The following DNAH11 variants were observed in gnomAD, a reference collection of about 807,000 sequenced individuals.
DNAH11 encodes dynein axonemal heavy chain 11, also known as axonemal beta dynein heavy chain 11.
In DNAH11, 442 loss-of-function variants were observed where a neutral mutation model predicts 526.0. That is an observed-to-expected ratio of 0.84 (90% CI 0.78 to 0.91). The LOEUF (loss-of-function observed/expected upper bound fraction) is 0.91, where lower values mean the gene tolerates loss of function less well. Among genes scored for constraint, DNAH11 ranks in the 40% least tolerant of loss-of-function variants. DNAH11 has a pLI of 0.00. For missense variants in DNAH11, 6,989 were observed against 5,448.7 expected (o/e 1.28, Z -8.90); for synonymous variants, 2,461 against 1,935.9 (o/e 1.27, Z -7.12).
At chr7:21,831,877 G>A (rs566807231) in intron 65 of DNAH11, among the ~76,000 whole-genome samples, 1 of 152,122 alleles carries the variant, frequency 6.6e-6, no homozygotes, top group Non-Finnish European at 1.5e-5. Flanking sequence ...GATCACCTGA[G>A]GTCAGGATTT....
intron 61 of DNAH11, among the ~76,000 whole-genome samples, chr7:21,800,268 C>T (rs1788915932): frequency 6.6e-6 from 1 of 152,174 alleles, no homozygotes; most frequent in Non-Finnish European, 1.5e-5. Flanking sequence ...CTGTGATTCA[C>T]ACATCCTCCC....
chr7:21,809,465 A>G (rs1023002632), intron 63 of DNAH11, among the ~76,000 whole-genome samples: 2 of 151,970 alleles, frequency 1.3e-5, no homozygotes, highest in African/African-American at 4.8e-5. Context: ...CATTTTCCCA[A>G]TTTTTCCTAT....
chr7:21,559,762 G>T lies in DNAH11; in HGVS notation c.852G>T (p.Arg284Ser), dbSNP rs770222065. Residue 284 changes from arginine (R) to serine (S), a missense_variant, in exon 4 of 82, where the codon AGG becomes AGT. Arg to Ser is a moderately radical substitution (Grantham distance 110, BLOSUM62 -1). Transcript: ENST00000409508. ...PQAELDFWMM[R>S]RENLSCIYDQ... ...CAGAACTAGATTTCTGGATGATGAG[G>T]AGAGAAAATCTGTCATGCATTTATG... 2 of 1,605,142 alleles carry T rather than the reference G, an allele frequency of 1.2e-6. No individual in the cohort carries two copies. The highest frequency in any genetic ancestry group is 2.2e-5 in the East Asian group (1 of 44,640).
At chr7:21,573,623 G>A (rs1447236118) in intron 8 of DNAH11, among the ~76,000 whole-genome samples, 2 of 152,064 alleles carry the variant, frequency 1.3e-5, no homozygotes, top group Non-Finnish European at 2.9e-5. Flanking sequence ...CTTGTACTTT[G>A]ACTTCATGAT....
In DNAH11 at chr7:21,811,608, G is replaced by T. The variant is rs1246989197; in HGVS notation, c.10332+3559G>T. On this transcript the variant is annotated intron_variant, in intron 63 of 81. Transcript: ENST00000409508. ...GTTATTGTTTAATAGGTATGTTTCAGTTTGGGAACATGAAAAAGTTCTGGA... is the reference window on the plus strand; with the variant it reads ...GTTATTGTTTAATAGGTATGTTTCATTTTGGGAACATGAAAAAGTTCTGGA... 2.0e-5 allele frequency among the ~76,000 whole-genome samples: 3 copies of T among 152,112 alleles called. No homozygotes were observed. The East Asian group carries it at 5.8e-4, about 29-fold the overall frequency.
Position 21,717,940 on chromosome 7 carries a change from A to G in DNAH11, c.7134+15A>G, listed in dbSNP as rs1784727130. ...GCCTGGTGCAGGTTTGTCTTCGGTT[A>G]CGCCATTTAACGTTCTAGTTCTGAT... On this transcript the variant is annotated intron_variant, in intron 43 of 81. Coordinates refer to ENST00000409508, the MANE Select transcript of DNAH11 (RefSeq NM_001277115.2). 4.4e-6 allele frequency: 7 copies of G among 1,606,022 alleles called. No homozygotes were observed. The highest frequency in any genetic ancestry group is 6.0e-6 in the Non-Finnish European group (7 of 1,175,140).
chr7:21,565,213 C>A (rs777991067), intron 6 of DNAH11, among the ~76,000 whole-genome samples: 4 of 152,174 alleles, frequency 2.6e-5, no homozygotes, highest in Non-Finnish European at 5.9e-5. Flanking sequence ...CTCTTCCTGG[C>A]TTGCTGATGG....
At chr7:21,626,204 A>T (rs185888817) in intron 25 of DNAH11, among the ~76,000 whole-genome samples, 1 of 152,322 alleles carries the variant, frequency 6.6e-6, no homozygotes, top group East Asian at 1.9e-4. Flanking sequence ...GTGAATGGGA[A>T]TACGTGATAT....
intron 71 of DNAH11, among the ~76,000 whole-genome samples, chr7:21,866,919 T>C (rs759586580): frequency 4.6e-5 from 7 of 152,186 alleles, no homozygotes; most frequent in Non-Finnish European, 1.0e-4. Flanking sequence ...CTGATGGAAA[T>C]ATTCCTGGAA....
chr7:21,775,321 A>G (rs1357947456), intron 56 of DNAH11, among the ~76,000 whole-genome samples: 3 of 152,148 alleles, frequency 2.0e-5, no homozygotes, highest in Non-Finnish European at 2.9e-5. Flanking sequence ...TTCCTCTCAA[A>G]GAACGTCTGT....
chr7:21,839,415 A>C lies in DNAH11; in HGVS notation c.10692-3129A>C, dbSNP rs567255662. 4.3e-4 allele frequency among the ~76,000 whole-genome samples: 65 copies of C among 152,108 alleles called. 3 individuals carry two copies. The South Asian group carries it at 0.012, about 29-fold the overall frequency. ...TGGTGAAACCCTGTCTCTACTAAAA[A>C]ATACAAAAAATTAGCTGGGTGTGGT... On this transcript the variant is annotated intron_variant, in intron 65 of 81. Transcript: ENST00000409508.
intron 63 of DNAH11, among the ~76,000 whole-genome samples, chr7:21,815,962 T>G (rs2127999874): frequency 1.3e-5 from 2 of 152,164 alleles, no homozygotes. Flanking sequence ...TTTGCACAAC[T>G]GAGGAGTTGA....
intron 62 of DNAH11, among the ~76,000 whole-genome samples, chr7:21,806,058 A>C (rs969153417): frequency 1.4e-4 from 21 of 152,214 alleles, no homozygotes; most frequent in Non-Finnish European, 2.9e-4. Context: ...GGCAATCTAT[A>C]ATGCATTAGA....
chr7:21,856,249 T>C (rs1782843212), intron 68 of DNAH11, among the ~76,000 whole-genome samples: 1 of 152,156 alleles, frequency 6.6e-6, no homozygotes, highest in Non-Finnish European at 1.5e-5. Context: ...ACTGATGTGA[T>C]GACAAAAGAC....
intron 24 of DNAH11, 36 bp downstream of exon 24, chr7:21,619,258 TA>T: frequency 3.8e-6 from 6 of 1,593,536 alleles, no homozygotes; most frequent in Non-Finnish European, 5.1e-6. Flanking sequence ...TCTACTTGGC[TA>T]ATTTTGGGTA....
intron 29 of DNAH11, among the ~76,000 whole-genome samples, chr7:21,658,168 A>T (rs936022193): frequency 1.3e-4 from 20 of 152,090 alleles, no homozygotes; most frequent in African/African-American, 4.3e-4. Flanking sequence ...TTTAAAAAAA[A>T]AAAGATTAAT....
chr7:21,848,457 A>C (rs1269389910), intron 66 of DNAH11, among the ~76,000 whole-genome samples: 1 of 151,894 alleles, frequency 6.6e-6, no homozygotes, highest in Non-Finnish European at 1.5e-5. Context: ...TGTTGCTATA[A>C]TTAGATCAAT....
intron 70 of DNAH11, 83 bp from the exon 71 acceptor site, chr7:21,866,387 G>A: frequency 2.3e-6 from 3 of 1,308,536 alleles, no homozygotes; most frequent in Admixed American, 2.3e-5. Context: ...TTTTACATAA[G>A]ATTAGATACA....
At chr7:21,854,580 C>CAATAAT in intron 68 of DNAH11, 125 bp downstream of exon 68, 2 of 1,083,262 alleles carry the variant, frequency 1.8e-6, no homozygotes, top group Non-Finnish European at 2.5e-6. Flanking sequence ...GACAGAGTCT[C>CAATAAT]ACTCTGTAGC....
Sources: gnomAD v4.1 joint callset for allele counts (sites outside exome capture counted in the v4.1 genomes callset) on GRCh38, gnomAD v4.1.1 for gene constraint, MANE v1.5 for transcripts, NCBI Gene and HGNC (gene_info 2026-07-23, HGNC 2026-07-21) for gene names.